ADGRE1: variants seen among roughly 807,000 people sequenced by gnomAD.
ADGRE1 encodes the protein EGF-like module receptor 1.
A neutral mutation model predicts 102.7 loss-of-function variants in ADGRE1; 82 were observed. That is an observed-to-expected ratio of 0.80 (90% CI 0.67 to 0.96). The LOEUF (loss-of-function observed/expected upper bound fraction) is 0.96. Among genes scored for constraint, ADGRE1 ranks in the 40% least tolerant of loss-of-function variants. The pLI, the probability that ADGRE1 is intolerant of heterozygous loss-of-function variation, is 0.00. For synonymous variants in ADGRE1, 398 were observed against 399.6 expected, an observed-to-expected ratio of 1.00 and a Z score of 0.05; for missense variants, 1,032 against 1,085.3, an observed-to-expected ratio of 0.95 and a Z score of 0.69.
At chr19:6,899,052 G>T (rs1238966164) in intron 5 of ADGRE1, among the ~76,000 whole-genome samples, 1 of 152,154 alleles carries the variant, frequency 6.6e-6, no homozygotes, top group Non-Finnish European at 1.5e-5. Flanking sequence ...GATCTCAGTT[G>T]TGTAATTGCT....
rs117242880 is a variant in ADGRE1, at chr19:6,926,385, C to T, written c.2006C>T (p.Ala669Val). 1.2e-3 allele frequency: 1,955 copies of T among 1,614,106 alleles called. 6 individuals carry two copies. The highest frequency in any genetic ancestry group is 4.0e-3 in the Middle Eastern group (24 of 5,966). Residue 669 changes from alanine (A) to valine (V), a missense_variant, in exon 16 of 21, where the codon GCG becomes GTG. Ala to Val is a moderately conservative substitution (Grantham distance 64). Coordinates refer to ENST00000312053, the MANE Select transcript of ADGRE1 (RefSeq NM_001974.5). Reference protein sequence around the residue: ...TDNKMGCAIIAGFLHYLFLAC... With the variant: ...TDNKMGCAIIVGFLHYLFLAC... ...CTCCAGATGGGCTGCGCCATCATCG[C>T]GGGCTTCCTGCACTACCTTTTCCTT...
intron 11 of ADGRE1, among the ~76,000 whole-genome samples, chr19:6,915,439 C>T (rs1288415589): frequency 1.3e-5 from 2 of 152,102 alleles, no homozygotes; most frequent in African/African-American, 4.8e-5. Flanking sequence ...TGGGTTAGGT[C>T]CTGCAATGCT....
chr19:6,917,980 A>G (rs1354686254), intron 12 of ADGRE1, among the ~76,000 whole-genome samples: 2 of 152,092 alleles, frequency 1.3e-5, no homozygotes, highest in Non-Finnish European at 1.5e-5. Context: ...TGGGAGAGAG[A>G]TGTGAGGCTT....
At chr19:6,899,832 C>T (rs560862034) in intron 5 of ADGRE1, among the ~76,000 whole-genome samples, 4 of 151,968 alleles carry the variant, frequency 2.6e-5, no homozygotes, top group Non-Finnish European at 1.5e-5. Context: ...GTGGCTCCTG[C>T]GTGTAATCTC....
chr19:6,933,932 A>G (rs1249095434), intron 17 of ADGRE1, among the ~76,000 whole-genome samples: 1 of 150,926 alleles, frequency 6.6e-6, no homozygotes, highest in Admixed American at 6.6e-5. Flanking sequence ...GATAAACTCA[A>G]GATAATAAAC....
intron 2 of ADGRE1, 76 bp downstream of exon 2, chr19:6,890,619 C>G: frequency 6.7e-7 from 1 of 1,495,616 alleles, no homozygotes; most frequent in Non-Finnish European, 9.2e-7. Flanking sequence ...TCCCAGGAAG[C>G]TGAGCCTCAT....
intron 11 of ADGRE1, among the ~76,000 whole-genome samples, chr19:6,914,638 T>C (rs1314344474): frequency 6.6e-6 from 1 of 152,166 alleles, no homozygotes; most frequent in African/African-American, 2.4e-5. Context: ...CTCCAACCAG[T>C]AGTGAACAAA....
rs34493324 is a variant in ADGRE1, at chr19:6,933,385, CTT to C, written c.2290-1584_2290-1583del. Among the ~76,000 whole-genome samples the C allele has an allele frequency of 1.6e-3, 210 of 129,824 alleles. 1 individual carries two copies. Among genetic ancestry groups the C allele is most frequent in the Middle Eastern group, 4.0e-3 (1 of 252 alleles). The allele number at this position is 129,824 out of a possible 152,430, so 85.2% of individuals were successfully genotyped here. On this transcript the variant is annotated intron_variant, in intron 17 of 20. Coordinates refer to ENST00000312053, the MANE Select transcript of ADGRE1 (RefSeq NM_001974.5). ...AGGGGAAGTTGGCAAAGTGTGAAGACTTTTTTTTTTTTTTTTTTTGAGACAGA... is the reference window on the plus strand; with the variant it reads ...AGGGGAAGTTGGCAAAGTGTGAAGACTTTTTTTTTTTTTTTTTGAGACAGA...
chr19:6,930,410 C>G (rs1290595265), intron 17 of ADGRE1, among the ~76,000 whole-genome samples: 1 of 151,948 alleles, frequency 6.6e-6, no homozygotes, highest in African/African-American at 2.4e-5. Context: ...TCCCTTATGT[C>G]TTTTGTCATA....
chr19:6,919,425 TCTCCC>T (rs1974537029), intron 12 of ADGRE1, 118 bp from the exon 13 acceptor site: 2 of 565,458 alleles, frequency 3.5e-6, no homozygotes, highest in South Asian at 1.9e-5. Context: ...TCTCTCTCTC[TCTCCC>T]CCTCCCTCCC....
chr19:6,921,714 C>A lies in ADGRE1; in HGVS notation c.1622C>A (p.Pro541Gln). ...TTTTTGTTTTTTTGTTTTTTTTAGCCAAAGCAGAAGTTTGAGAGGCCCATC... is the reference window on the plus strand; with the variant it reads ...TTTTTGTTTTTTTGTTTTTTTTAGCAAAAGCAGAAGTTTGAGAGGCCCATC... ...PIIYTLENIQ[P>Q]KQKFERPICV... The change falls in exon 14 of 21, where the codon CCA becomes CAA. Residue 541 changes from proline (P) to glutamine (Q), a missense_variant and splice_region_variant. Transcript: ENST00000312053. 1 of 1,582,084 alleles carries A rather than the reference C, an allele frequency of 6.3e-7. No individual in the cohort carries two copies. Among genetic ancestry groups the A allele is most frequent in the Non-Finnish European group, 8.6e-7 (1 of 1,167,846 alleles).
rs768159105 is a variant in ADGRE1 at position 6,903,812 on chromosome 19, A to G, written c.664A>G (p.Ile222Val). The G allele has an allele frequency of 2.5e-6, 4 of 1,614,070 alleles. No homozygotes were observed. Among genetic ancestry groups the G allele is most frequent in the East Asian group, 4.5e-5 (2 of 44,892 alleles). The change falls in exon 7 of 21, where the codon ATT becomes GTT. Residue 222 changes from isoleucine to valine, a missense_variant and splice_region_variant. Transcript: ENST00000312053. ...CACACCCATTCTGTACCCCACAGAT[A>G]TTGATGAATGCACTGAAATGTGCCC... is the stretch of plus-strand genomic sequence containing the variant. ...FQGLKASCED[I>V]DECTEMCPIN...
At chr19:6,917,229 C>T (rs900153363) in intron 12 of ADGRE1, among the ~76,000 whole-genome samples, 2 of 152,074 alleles carry the variant, frequency 1.3e-5, no homozygotes, top group African/African-American at 2.4e-5. Flanking sequence ...TCTATGCATA[C>T]GATTAATGCT....
Position 6,935,096 on chromosome 19 carries a change from C to G in ADGRE1, c.2381+18C>G. The G allele has an allele frequency of 6.8e-7, 1 of 1,478,924 alleles. No homozygotes were observed. Among genetic ancestry groups the G allele is most frequent in the Middle Eastern group, 1.8e-4 (1 of 5,692 alleles). 91.6% of individuals were successfully genotyped at this position (1,478,924 alleles called of 1,614,324 possible). ...GACACCAGGTAAAGCCCTCTTTCAC[C>G]TCCCCCCCTCTTTTAATTTCCTCTT... On this transcript the variant is annotated intron_variant, in intron 18 of 20. Coordinates refer to ENST00000312053, the MANE Select transcript of ADGRE1 (RefSeq NM_001974.5).
intron 16 of ADGRE1, 36 bp from the exon 17 acceptor site, chr19:6,928,109 G>C (rs756177675): frequency 4.4e-6 from 7 of 1,602,440 alleles, no homozygotes; most frequent in Non-Finnish European, 6.0e-6. Flanking sequence ...TCAGGACTCT[G>C]AGACAAGCGC....
rs921389261 is a variant in ADGRE1, at chr19:6,928,248, C to T, written c.2289+37C>T. ...CTACAACAGCCTGGCGAAGTGTGTT[C>T]TGAAGGAGGAGCAAGGAGACCTGCG... On this transcript the variant is annotated intron_variant, in intron 17 of 20. Transcript: ENST00000312053. 5.0e-6 allele frequency: 8 copies of T among 1,613,902 alleles called. No individual in the cohort carries two copies. In the African/African-American group the frequency reaches 9.3e-5, roughly 19 times the overall value.
intron 10 of ADGRE1, among the ~76,000 whole-genome samples, chr19:6,909,229 G>A (rs1158322169): frequency 1.3e-5 from 2 of 152,012 alleles, no homozygotes; most frequent in Admixed American, 6.6e-5. Context: ...TGAAAAATTA[G>A]CATACAGTAA....
chr19:6,937,880 T>C (rs1975492779), intron 20 of ADGRE1, among the ~76,000 whole-genome samples: 1 of 152,038 alleles, frequency 6.6e-6, no homozygotes, highest in Admixed American at 6.6e-5. Flanking sequence ...AAGACATATA[T>C]AATTTATAAC....
rs1568352024 is a variant in ADGRE1, at chr19:6,916,377, C to T, written c.1420+9C>T. The T allele has an allele frequency of 6.2e-7, 1 of 1,610,408 alleles. No individual in the cohort carries two copies. Among genetic ancestry groups the T allele is most frequent in the Non-Finnish European group, 8.5e-7 (1 of 1,178,256 alleles). ...GGAATCTGAATCCACAGGTACAGGTCCTCTCCTGAGAATGCAGGTTATGGT... is the reference window on the plus strand; with the variant it reads ...GGAATCTGAATCCACAGGTACAGGTTCTCTCCTGAGAATGCAGGTTATGGT... On this transcript the variant is annotated intron_variant, in intron 12 of 20. Transcript: ENST00000312053.
Sources: allele counts gnomAD v4.1 joint callset (sites outside exome capture counted in the v4.1 genomes callset), GRCh38; gene constraint gnomAD v4.1.1; transcripts MANE v1.5; gene names NCBI Gene and HGNC (gene_info 2026-07-23, HGNC 2026-07-21).